DNAH7: variants seen among roughly 807,000 people sequenced by gnomAD.
DNAH7 encodes the protein dynein axonemal heavy chain 7.
DNAH7 carries 397 observed loss-of-function variants against 444.6 expected under a neutral mutation model. That is an observed-to-expected ratio of 0.89 (90% CI 0.82 to 0.97). The LOEUF is 0.97. Among genes scored for constraint, DNAH7 ranks in the 50% least tolerant of loss-of-function variants. The pLI, the probability that DNAH7 is intolerant of heterozygous loss-of-function variation, is 0.00. For missense variants in DNAH7, 4,902 were observed against 4,800.8 expected (o/e 1.02, Z -0.62); for synonymous variants, 1,636 against 1,624.4 (o/e 1.01, Z -0.17).
intron 48 of DNAH7, among the ~76,000 whole-genome samples, chr2:195,826,431 A>T (rs1395665476): frequency 6.6e-6 from 1 of 152,190 alleles, no homozygotes; most frequent in East Asian, 1.9e-4. Flanking sequence ...ATCAAAATAA[A>T]TTTTTCAGTT....
intron 29 of DNAH7, among the ~76,000 whole-genome samples, chr2:195,896,871 G>A (rs1702349806): frequency 6.6e-6 from 1 of 152,156 alleles, no homozygotes; most frequent in Non-Finnish European, 1.5e-5. Flanking sequence ...GGTAGCTAAT[G>A]ACACTGGACA....
rs1376158049 is a variant in DNAH7, at chr2:195,851,284, CTGTGACATGAG to C, written c.8781+2048_8781+2058del. On this transcript the variant is annotated intron_variant, in intron 46 of 64. Transcript: ENST00000312428. ...AGAATTAATCCACAGGAATTCCTTC[CTGTGACATGAG>C]AGTGACATGAGAGATTTGTTAAGGA... 7.9e-5 allele frequency among the ~76,000 whole-genome samples: 12 copies of C among 152,166 alleles called. No individual in the cohort carries two copies. In the East Asian group the frequency reaches 2.3e-3, roughly 29 times the overall value.
intron 36 of DNAH7, among the ~76,000 whole-genome samples, chr2:195,879,318 A>G (rs1415053247): frequency 6.6e-6 from 1 of 152,200 alleles, no homozygotes; most frequent in Admixed American, 6.5e-5. Flanking sequence ...AAAAGAAAGC[A>G]AAAGAGAAGT....
intron 2 of DNAH7, among the ~76,000 whole-genome samples, chr2:196,056,842 A>G (rs1457067019): frequency 6.6e-6 from 1 of 152,250 alleles, no homozygotes; most frequent in Non-Finnish European, 1.5e-5. Flanking sequence ...TAGGCTAGGA[A>G]AACATGTAAG....
At chr2:195,882,097 G>A in intron 35 of DNAH7, 105 bp from the exon 36 acceptor site, 3 of 846,232 alleles carry the variant, frequency 3.5e-6, no homozygotes, top group Non-Finnish European at 3.6e-6. Context: ...ACCCTGATAT[G>A]TATACATTTG....
chr2:196,054,470 C>T (rs909062893), intron 2 of DNAH7, among the ~76,000 whole-genome samples: 1 of 151,980 alleles, frequency 6.6e-6, no homozygotes, highest in African/African-American at 2.4e-5. Context: ...TGCCATGAGC[C>T]AAGACTGCAC....
intron 36 of DNAH7, among the ~76,000 whole-genome samples, chr2:195,880,585 G>C (rs541595425): frequency 1.3e-5 from 2 of 151,914 alleles, no homozygotes; most frequent in Non-Finnish European, 2.9e-5. Flanking sequence ...TGATCCCCCC[G>C]CCTCGGCCTC....
At chr2:195,818,256 T>C (rs1300013513) in intron 49 of DNAH7, among the ~76,000 whole-genome samples, 1 of 152,198 alleles carries the variant, frequency 6.6e-6, no homozygotes, top group Non-Finnish European at 1.5e-5. Flanking sequence ...TCTAGTGGTG[T>C]CAAAAGTAAA....
chr2:195,994,710 G>T (rs939414428), intron 12 of DNAH7: 3 of 498,010 alleles, frequency 6.0e-6, no homozygotes, highest in Non-Finnish European at 1.2e-5. Flanking sequence ...TAACCATTTG[G>T]TCTTTAAGAC....
intron 12 of DNAH7, among the ~76,000 whole-genome samples, chr2:195,999,664 G>GTATAAAA (rs948392855): frequency 6.7e-6 from 1 of 150,268 alleles, no homozygotes; most frequent in African/African-American, 2.4e-5. Flanking sequence ...ACATGACTAA[G>GTATAAAA]TATAAAAGAC....
rs374978907 is a variant in DNAH7 at position 195,873,670 on chromosome 2, G to A, written c.6311C>T (p.Pro2104Leu). 3.3e-6 allele frequency: 5 copies of A among 1,532,244 alleles called. No homozygotes were observed. The highest frequency in any genetic ancestry group is 4.4e-6 in the Non-Finnish European group (5 of 1,147,448). The allele number at this position is 1,532,244 out of a possible 1,614,324, so 94.9% of individuals were successfully genotyped here. A position where few individuals can be genotyped will look rare whatever the true frequency, so the allele number is the denominator to read the frequency against. ...AATATTGAAATGTCGCATGTATCGA[G>A]GAGTTACTGGATTTCGACCACCACC... ...PPGGGRNPVTPRYMRHFNIIT... is the reference protein window; with the variant it reads ...PPGGGRNPVTLRYMRHFNIIT... The change falls in exon 39 of 65, where the codon CCT becomes CTT. Residue 2104 changes from proline to leucine, a missense_variant. By Grantham distance (98) the Pro-to-Leu change is moderately conservative. Coordinates refer to ENST00000312428, the MANE Select transcript of DNAH7 (RefSeq NM_018897.3).
intron 45 of DNAH7, among the ~76,000 whole-genome samples, chr2:195,854,641 G>C (rs1699588321): frequency 6.6e-6 from 1 of 151,860 alleles, no homozygotes; most frequent in Admixed American, 6.6e-5. Context: ...TTGGACTATG[G>C]CAAAGTTGCC....
Position 195,881,949 on chromosome 2 carries a change from G to T in DNAH7, c.5807C>A (p.Ala1936Asp). The T allele has an allele frequency of 6.2e-7, 1 of 1,613,828 alleles. No individual in the cohort carries two copies. The highest frequency in any genetic ancestry group is 1.1e-5 in the South Asian group (1 of 91,074). ...CATTACATCTTTAGGAATTGGAGGA[G>T]CTTCTTTCAATTTCTTTATCCATGG... Reference protein sequence around the residue: ...WEPWIKKLKEAPPIPKDVMFN... With the variant: ...WEPWIKKLKEDPPIPKDVMFN... The change falls in exon 36 of 65, where the codon GCT becomes GAT. Residue 1936 changes from alanine (A) to aspartate (D), a missense_variant. Physicochemically the swap from Ala to Asp is moderately radical, Grantham distance 126 (BLOSUM62 -2). Transcript: ENST00000312428.
chr2:195,773,720 C>G lies in DNAH7; in HGVS notation c.11203-1830G>C, dbSNP rs115851128. Among the ~76,000 whole-genome samples, 1,505 of 152,226 alleles carry G rather than the reference C, an allele frequency of 9.9e-3. 34 individuals are homozygous for G. The highest frequency in any genetic ancestry group is 0.034 in the African/African-American group (1,407 of 41,526). On this transcript the variant is annotated intron_variant, in intron 60 of 64. Transcript: ENST00000312428. The stretch of plus-strand genomic sequence containing the variant: ...CTTAAAGATAAGTGGAATTCATTTT[C>G]AGAGACATCAGAAAGTTTAACCTTT...
intron 2 of DNAH7, among the ~76,000 whole-genome samples, chr2:196,051,634 G>A (rs1304765595): frequency 2.0e-5 from 3 of 152,106 alleles, no homozygotes; most frequent in Non-Finnish European, 4.4e-5. Context: ...GGGCGTGGTG[G>A]TGGGTGCCTG....
chr2:195,824,518 C>A, intron 48 of DNAH7, 73 bp from the exon 49 acceptor site: 1 of 1,274,426 alleles, frequency 7.8e-7, no homozygotes, highest in Non-Finnish European at 1.0e-6. Flanking sequence ...TTCAACCCTC[C>A]AAGTTCTTTC....
In DNAH7 at chr2:195,988,020, T is replaced by G. The variant is rs1693040690; in HGVS notation, c.1563A>C (p.Lys521Asn). ...GGTATTTGCAAATTTCATCTATTATTTTTTCATAACTATGATTTTCTGCGA... is the reference window on the plus strand; with the variant it reads ...GGTATTTGCAAATTTCATCTATTATGTTTTCATAACTATGATTTTCTGCGA... Reference protein sequence around the residue: ...NFLAENHSYEKIIDEICKYQK... With the variant: ...NFLAENHSYENIIDEICKYQK... Residue 521 changes from lysine (K) to asparagine (N), a missense_variant, in exon 13 of 65, where the codon AAA becomes AAC. Physicochemically the swap from Lys to Asn is moderately conservative, Grantham distance 94. Coordinates refer to ENST00000312428, the MANE Select transcript of DNAH7 (RefSeq NM_018897.3). The G allele has an allele frequency of 1.9e-6, 3 of 1,613,254 alleles. No homozygotes were observed. The highest frequency in any genetic ancestry group is 1.1e-5 in the South Asian group (1 of 91,004).
intron 39 of DNAH7, 140 bp downstream of exon 39, chr2:195,873,428 C>G: frequency 4.0e-6 from 2 of 494,896 alleles, no homozygotes; most frequent in Non-Finnish European, 6.5e-6. Context: ...GTGGCAGGAA[C>G]AGAGGCAAAC....
Position 195,900,333 on chromosome 2 carries a change from G to A in DNAH7, c.4497C>T (p.Asp1499=), listed in dbSNP as rs1686622144. 1 of 1,613,934 alleles carries A rather than the reference G, an allele frequency of 6.2e-7. No homozygotes were observed. The highest frequency in any genetic ancestry group is 8.5e-7 in the Non-Finnish European group (1 of 1,179,916). Residue 1499 remains aspartate (D), a synonymous_variant, in exon 28 of 65, where the codon GAC becomes GAT. Coordinates refer to ENST00000312428, the MANE Select transcript of DNAH7 (RefSeq NM_018897.3). ...CTGACTTCACGGCTCTCATTCCATA[G>A]TCGTAGTGATGTTGAGATGACAGCT... ...SEQLSSQHHY[D]YGMRAVKSVL...
Sources: allele counts gnomAD v4.1 joint callset (sites outside exome capture counted in the v4.1 genomes callset), GRCh38; gene constraint gnomAD v4.1.1; transcripts MANE v1.5; gene names NCBI Gene and HGNC (gene_info 2026-07-23, HGNC 2026-07-21).